The following GOSR2 variants were observed in gnomAD, a reference collection of about 807,000 sequenced individuals.
GOSR2 encodes golgi SNAP receptor complex member 2.
Under a neutral mutation model 27.9 loss-of-function variants are expected in GOSR2, and 20 were observed. That is an observed-to-expected ratio of 0.72 (90% CI 0.50 to 1.04). The LOEUF (loss-of-function observed/expected upper bound fraction) is 1.04, where lower values mean the gene tolerates loss of function less well. Ranked by LOEUF, GOSR2 falls within the 50% of genes least tolerant of loss-of-function variation. GOSR2 has a pLI of 0.00. For synonymous variants in GOSR2, 91 were observed against 98.8 expected (o/e 0.92, Z 0.47); for missense variants, 261 against 270.5 (o/e 0.97, Z 0.25).
In GOSR2 at chr17:46,935,012, C is replaced by A; in HGVS notation, c.337-17C>A. Reference sequence around the variant, plus strand: ...CTGATAAGCAAAGTTAATCAAGTGCCTGTGTTTCTTTCACAGGACTCTGAC... The same window carrying A: ...CTGATAAGCAAAGTTAATCAAGTGCATGTGTTTCTTTCACAGGACTCTGAC... On this transcript the variant is annotated splice_polypyrimidine_tract_variant and intron_variant, in intron 4 of 5. Transcript: ENST00000640051. The A allele has an allele frequency of 6.2e-7, 1 of 1,610,850 alleles. No homozygotes were observed. The highest frequency in any genetic ancestry group is 8.5e-7 in the Non-Finnish European group (1 of 1,176,952).
intron 6 of GOSR2, among the ~76,000 whole-genome samples, chr17:46,947,647 C>A (rs2090013474): frequency 6.6e-6 from 1 of 152,192 alleles, no homozygotes; most frequent in Non-Finnish European, 1.5e-5. Flanking sequence ...TGTTTATTAG[C>A]AGCCTGACCT....
At chr17:46,956,016 C>T (rs139239032) in intron 6 of GOSR2, among the ~76,000 whole-genome samples, 1 of 152,112 alleles carries the variant, frequency 6.6e-6, no homozygotes, top group Non-Finnish European at 1.5e-5. Flanking sequence ...TTTCCATGCC[C>T]CATGGAGCCT....
In GOSR2 at chr17:46,932,105, A is replaced by AGACT. The variant is rs2087481072; in HGVS notation, c.244_247dup (p.Ala83AspfsTer31). 6.2e-7 allele frequency: 1 copy of AGACT among 1,613,652 alleles called. No homozygotes were observed. Among genetic ancestry groups the AGACT allele is most frequent in the East Asian group, 2.2e-5 (1 of 44,888 alleles). Reference sequence around the variant, plus strand: ...TTAAAGTATGATGTCCAGCACCTGCAGACTGCGCTCAGAAACTTCCAGCAT... The same window carrying AGACT: ...TTAAAGTATGATGTCCAGCACCTGCAGACTGACTGCGCTCAGAAACTTCCAGCAT... On this transcript the variant is annotated frameshift_variant, in exon 4 of 6. Transcript: ENST00000640051. LOFTEE classifies it high-confidence loss of function.
rs2147080536 is a variant in GOSR2, at chr17:46,940,490, A to G, written c.*1730A>G. The G allele has an allele frequency of 6.2e-7, 1 of 1,613,396 alleles. No individual in the cohort carries two copies. Among genetic ancestry groups the G allele is most frequent in the Admixed American group, 1.7e-5 (1 of 60,034 alleles). On this transcript the variant is annotated 3_prime_UTR_variant, in exon 6 of 6. Coordinates refer to ENST00000640051, the MANE Select transcript of GOSR2 (RefSeq NM_004287.5). ...TGCTGCGGTGCCAGGGACCTAGCGC[A>G]GGACTTTTGGTAATCCATAAAATGG... is the stretch of plus-strand genomic sequence containing the variant.
intron 4 of GOSR2, among the ~76,000 whole-genome samples, chr17:46,933,825 G>T (rs568142956): frequency 6.6e-6 from 1 of 151,862 alleles, no homozygotes; most frequent in Non-Finnish European, 1.5e-5. Flanking sequence ...TTAGCCGGGC[G>T]TGGTGGCGTG....
At position 46,925,494 on chromosome 17, in the gene GOSR2, TG is replaced by T. The variant is rs1329626375; in HGVS notation, c.29+2275del. ...AGTGCTGAACCAGGAGTGGGAGTTC[TG>T]GTTCTAGACCTCCTTACTTTATTTT... On this transcript the variant is annotated intron_variant, in intron 1 of 5. Transcript: ENST00000640051. 2.6e-5 allele frequency among the ~76,000 whole-genome samples: 4 copies of T among 152,368 alleles called. No individual in the cohort carries two copies. The East Asian group carries it at 5.8e-4, about 22-fold the overall frequency.
At position 46,931,092 on chromosome 17, in the gene GOSR2, T is replaced by G. The variant is rs752611190; in HGVS notation, c.95-7T>G. ...CCAGCAATTATTCTTTTTTCTTTTT[T>G]GTACAGTAGTAGAAAACGAAATCCA... On this transcript the variant is annotated splice_region_variant and splice_polypyrimidine_tract_variant and intron_variant, in intron 2 of 5. Coordinates refer to ENST00000640051, the MANE Select transcript of GOSR2 (RefSeq NM_004287.5). 2 of 1,406,480 alleles carry G rather than the reference T, an allele frequency of 1.4e-6. No homozygotes were observed. Among genetic ancestry groups the G allele is most frequent in the Non-Finnish European group, 2.0e-6 (2 of 991,506 alleles). 87.1% of individuals were successfully genotyped at this position (1,406,480 alleles called of 1,614,324 possible). A position where few individuals can be genotyped will look rare whatever the true frequency, so the allele number is the denominator to read the frequency against.
intron 6 of GOSR2, among the ~76,000 whole-genome samples, chr17:46,953,829 A>T (rs1469173892): frequency 6.6e-6 from 1 of 152,166 alleles, no homozygotes; most frequent in African/African-American, 2.4e-5. Context: ...TGGCTGCATA[A>T]ATGTCTTCTT....
intron 4 of GOSR2, 127 bp from the exon 5 acceptor site, chr17:46,934,902 G>C (rs2088030652): frequency 1.2e-6 from 1 of 822,610 alleles, no homozygotes; most frequent in African/African-American, 1.7e-5. Flanking sequence ...TATCCATTAG[G>C]GTCCGCTGAT....
At chr17:46,974,987 C>CTTTTTTTTTTTTTT (rs58438726) in intron 6 of GOSR2, among the ~76,000 whole-genome samples, 2 of 119,060 alleles carry the variant, frequency 1.7e-5, no homozygotes, top group Non-Finnish European at 3.5e-5. Flanking sequence ...TTACTATTTT[C>CTTTTTTTTTTTTTT]TTTTTTTTTT....
At chr17:46,944,761 G>A (rs1348558422), downstream of GOSR2, among the ~76,000 whole-genome samples, 2 of 151,946 alleles carry the variant, frequency 1.3e-5, no homozygotes, top group African/African-American at 2.4e-5. Flanking sequence ...TACCACGCCC[G>A]GCTAATTTTT....
chr17:46,932,444 A>C, intron 4 of GOSR2: 2 of 602,528 alleles, frequency 3.3e-6, no homozygotes, highest in East Asian at 5.5e-5. Context: ...AGAGGTGAAA[A>C]TTACCTGGTT....
chr17:46,930,557 G>A (rs1598973545), intron 2 of GOSR2: 3 of 154,314 alleles, frequency 1.9e-5, no homozygotes, highest in Admixed American at 1.9e-4. Context: ...ACATTGCTCA[G>A]CCCACCCATT....
intron 6 of GOSR2, chr17:46,955,573 T>C (rs2090655429): frequency 6.6e-6 from 1 of 152,128 alleles, no homozygotes; most frequent in Non-Finnish European, 1.5e-5. Flanking sequence ...ACTACACTTA[T>C]TAAGGAAAAA....
At chr17:46,931,856 T>C in intron 3 of GOSR2, 1 of 602,100 alleles carries the variant, frequency 1.7e-6, no homozygotes, top group Non-Finnish European at 3.0e-6. Context: ...GCTGCTGGAA[T>C]CTTGTGTGCT....
intron 6 of GOSR2, among the ~76,000 whole-genome samples, chr17:46,948,060 C>T (rs902571076): frequency 9.2e-5 from 14 of 151,374 alleles, no homozygotes; most frequent in East Asian, 4.5e-4. Context: ...CGTGAGCCAC[C>T]GCGCCCAGCC....
At position 46,929,561 on chromosome 17, in the gene GOSR2, C is replaced by G; in HGVS notation, c.71C>G (p.Thr24Arg). 6.4e-7 allele frequency: 1 copy of G among 1,557,970 alleles called. No individual in the cohort carries two copies. Among genetic ancestry groups the G allele is most frequent in the Non-Finnish European group, 8.9e-7 (1 of 1,128,866 alleles). Residue 24 changes from threonine (T) to arginine (R), a missense_variant, in exon 2 of 6, where the codon ACG becomes AGG. Transcript: ENST00000640051. ...CAGTCTTGCATGGGACGCCTGGAGA[C>G]GGCAGACAAGCAGTCTGTGCACAGT... ...EIQSCMGRLETADKQSVHIVE... is the reference protein window; with the variant it reads ...EIQSCMGRLERADKQSVHIVE...
intron 4 of GOSR2, chr17:46,932,517 A>G (rs2087558830): frequency 1.7e-6 from 1 of 575,918 alleles, no homozygotes; most frequent in Non-Finnish European, 3.1e-6. Context: ...GATCAGATAG[A>G]GACAGATGAT....
chr17:46,929,443 C>A, intron 1 of GOSR2, 77 bp from the exon 2 acceptor site: 1 of 798,632 alleles, frequency 1.3e-6, no homozygotes, highest in Non-Finnish European at 2.3e-6. Flanking sequence ...ATGTTGGCAT[C>A]AGAAAAATTG....
Sources: allele counts gnomAD v4.1 joint callset (sites outside exome capture counted in the v4.1 genomes callset), GRCh38; gene constraint gnomAD v4.1.1; transcripts MANE v1.5; gene names NCBI Gene and HGNC (gene_info 2026-07-23, HGNC 2026-07-21).